The following DNM3 variants were observed in gnomAD, a reference collection of about 807,000 sequenced individuals.
The protein encoded by DNM3 is dynamin 3.
Under a neutral mutation model 101.6 loss-of-function variants are expected in DNM3, and 47 were observed. The observed-to-expected ratio is 0.46, with a 90% CI of 0.37 to 0.59. The LOEUF is 0.59. Among genes scored for constraint, DNM3 ranks in the 20% least tolerant of loss-of-function variants. The probability of loss-of-function intolerance (pLI) is 0.00; values close to 1 mark genes in which losing one functional copy is unlikely to be tolerated. For synonymous variants in DNM3, 385 were observed against 387.9 expected, an observed-to-expected ratio of 0.99 and a Z score of 0.09; for missense variants, 849 against 1,085.7, an observed-to-expected ratio of 0.78 and a Z score of 3.06.
At chr1:171,943,775 G>A (rs2041972282) in intron 2 of DNM3, among the ~76,000 whole-genome samples, 1 of 152,204 alleles carries the variant, frequency 6.6e-6, no homozygotes, top group Non-Finnish European at 1.5e-5. Context: ...TGAGGGCTGT[G>A]TCATGGCCAT....
At chr1:172,097,884 C>G (rs947255847) in intron 13 of DNM3, among the ~76,000 whole-genome samples, 3 of 151,982 alleles carry the variant, frequency 2.0e-5, no homozygotes, top group African/African-American at 7.3e-5. Context: ...CTGTGATGCC[C>G]CCTGAGCCGT....
chr1:172,041,192 A>G (rs2049360719), intron 7 of DNM3, among the ~76,000 whole-genome samples: 1 of 152,118 alleles, frequency 6.6e-6, no homozygotes, highest in African/African-American at 2.4e-5. Context: ...GAACCAAGGC[A>G]GTGTCAGTAG....
intron 2 of DNM3, among the ~76,000 whole-genome samples, chr1:171,977,400 C>T (rs1466849816): frequency 3.3e-5 from 5 of 151,886 alleles, no homozygotes; most frequent in Non-Finnish European, 7.4e-5. Context: ...AGATGTGTTG[C>T]GAACAGCAAG....
chr1:171,960,733 C>T (rs2043163203), intron 2 of DNM3, among the ~76,000 whole-genome samples: 1 of 152,078 alleles, frequency 6.6e-6, no homozygotes, highest in South Asian at 2.1e-4. Context: ...TCCTGGCAGT[C>T]CCAAGAGCCA....
chr1:171,880,714 T>C (rs2036191286), intron 1 of DNM3, among the ~76,000 whole-genome samples: 1 of 152,148 alleles, frequency 6.6e-6, no homozygotes, highest in Non-Finnish European at 1.5e-5. Flanking sequence ...TAAAAATGTC[T>C]AGGATGGTCT....
rs576272851 is a variant in DNM3, at chr1:171,956,510, G to A, written c.236-31146G>A. On this transcript the variant is annotated intron_variant, in intron 2 of 20. Coordinates refer to ENST00000627582, the MANE Select transcript of DNM3 (RefSeq NM_015569.5). The stretch of plus-strand genomic sequence containing the variant: ...TAGCTCTGCCCCTGTGGCTTTGTAG[G>A]GTATAGCCCCCCTCCTGGCTGCTTT... Among the ~76,000 whole-genome samples the A allele has an allele frequency of 1.7e-4, 26 of 152,236 alleles. No individual in the cohort carries two copies. In the South Asian group the frequency reaches 5.4e-3, roughly 32 times the overall value.
At chr1:171,961,802 C>A (rs2125504303) in intron 2 of DNM3, among the ~76,000 whole-genome samples, 1 of 152,272 alleles carries the variant, frequency 6.6e-6, no homozygotes, top group South Asian at 2.1e-4. Context: ...TTTGCTGCAA[C>A]AGGATGAACT....
At chr1:171,925,663 T>G (rs2040512593) in intron 2 of DNM3, among the ~76,000 whole-genome samples, 1 of 152,236 alleles carries the variant, frequency 6.6e-6, no homozygotes, top group African/African-American at 2.4e-5. Flanking sequence ...GATCGTCTGT[T>G]TACTCTGTTG....
intron 1 of DNM3, among the ~76,000 whole-genome samples, chr1:171,906,199 C>T (rs2038816489): frequency 6.7e-6 from 1 of 149,614 alleles, no homozygotes; most frequent in Non-Finnish European, 1.5e-5. Flanking sequence ...GTGAACATGG[C>T]TCATTGCGGC....
intron 14 of DNM3, chr1:172,136,765 C>G (rs1403275548): frequency 6.6e-6 from 1 of 152,010 alleles, no homozygotes; most frequent in African/African-American, 2.4e-5. Context: ...AAACCCACTC[C>G]CCTATATGCA....
At chr1:172,315,799 G>T (rs889019530) in intron 16 of DNM3, among the ~76,000 whole-genome samples, 1 of 152,200 alleles carries the variant, frequency 6.6e-6, no homozygotes, top group African/African-American at 2.4e-5. Flanking sequence ...ATGGAACCAA[G>T]TTAGAAAACA....
chr1:172,164,232 C>CTTT (rs3980440), intron 14 of DNM3, among the ~76,000 whole-genome samples: 46,499 of 126,162 alleles, frequency 0.37, 8,814 homozygotes, highest in Middle Eastern at 0.44. Flanking sequence ...CTTTTCTTTT[C>CTTT]TTTTTTTTTT....
At chr1:172,187,613 C>T (rs1375617183) in intron 14 of DNM3, among the ~76,000 whole-genome samples, 1 of 151,924 alleles carries the variant, frequency 6.6e-6, no homozygotes, top group Non-Finnish European at 1.5e-5. Context: ...TTTTGTTTGT[C>T]TTCAGTGCTC....
intron 17 of DNM3, among the ~76,000 whole-genome samples, chr1:172,364,574 T>A (rs1423769564): frequency 6.6e-6 from 1 of 151,810 alleles, no homozygotes; most frequent in Non-Finnish European, 1.5e-5. Context: ...AATAGAGAGA[T>A]GGAGAAGTCT....
intron 13 of DNM3, among the ~76,000 whole-genome samples, chr1:172,130,078 GCCTT>G (rs2056855635): frequency 6.6e-6 from 1 of 152,092 alleles, no homozygotes; most frequent in Non-Finnish European, 1.5e-5. Context: ...TCTGGGATTG[GCCTT>G]CCTTCTTCAA....
chr1:171,966,084 T>C (rs1377589124), intron 2 of DNM3, among the ~76,000 whole-genome samples: 1 of 152,226 alleles, frequency 6.6e-6, no homozygotes, highest in African/African-American at 2.4e-5. Context: ...ATTCACCACT[T>C]GGTCCATAGA....
intron 13 of DNM3, among the ~76,000 whole-genome samples, chr1:172,103,842 A>G (rs2054824801): frequency 1.3e-5 from 2 of 152,142 alleles, no homozygotes; most frequent in South Asian, 4.2e-4. Flanking sequence ...CTCTACTAAA[A>G]ATACAAAAAT....
At chr1:172,269,119 C>T (rs1383456902) in intron 15 of DNM3, among the ~76,000 whole-genome samples, 1 of 152,180 alleles carries the variant, frequency 6.6e-6, no homozygotes, top group Admixed American at 6.5e-5. Context: ...TTAGTAGTGC[C>T]AGCAAGGATT....
chr1:172,256,270 A>T (rs1008914572), intron 15 of DNM3, among the ~76,000 whole-genome samples: 1 of 152,074 alleles, frequency 6.6e-6, no homozygotes, highest in Non-Finnish European at 1.5e-5. Flanking sequence ...CCTTCATAAA[A>T]GGTAGGGATT....
Sources: allele counts gnomAD v4.1 joint callset (sites outside exome capture counted in the v4.1 genomes callset), GRCh38; gene constraint gnomAD v4.1.1; transcripts MANE v1.5; gene names NCBI Gene and HGNC (gene_info 2026-07-23, HGNC 2026-07-21).